Variants in COL5A2 observed in about 807,000 individuals in gnomAD.
COL5A2 encodes collagen alpha-2(V) chain.
Under a neutral mutation model 208.2 loss-of-function variants are expected in COL5A2, and 23 were observed. That is an observed-to-expected ratio of 0.11 (90% confidence interval 0.08 to 0.16). The LOEUF (loss-of-function observed/expected upper bound fraction) is 0.16, where lower values mean the gene tolerates loss of function less well. COL5A2 is among the 10% of genes least tolerant of loss of function. COL5A2 has a pLI of 1.00. For synonymous variants in COL5A2, 625 were observed against 628.5 expected (o/e 0.99, Z 0.08); for missense variants, 1,590 against 1,956.4 (o/e 0.81, Z 3.53).
upstream of COL5A2, among the ~76,000 whole-genome samples, chr2:189,181,504 TG>T (rs753639957): frequency 8.8e-4 from 134 of 152,184 alleles, no homozygotes; most frequent in Non-Finnish European, 1.5e-3. Context: ...TAAGTAAATG[TG>T]GGGGGGAGGA....
At chr2:189,319,778 G>C in the COL5A2 span, among the ~76,000 whole-genome samples, 14 of 152,222 alleles carry the variant, frequency 9.2e-5, no homozygotes, top group Admixed American at 9.2e-4. Context: ...AACCTCTGCA[G>C]ACTTAAATGT....
chr2:189,068,853 G>A lies in COL5A2; in HGVS notation c.1190C>T (p.Pro397Leu), dbSNP rs1189039397. ...ACCTCTCTGCCCCTGAGGACCTTCA[G>A]GGCCTCGCGCCCCTGTAGGACCTGC... is the stretch of plus-strand genomic sequence containing the variant. ...GEAGPTGARG[P>L]EGPQGQRGET... The change falls in exon 19 of 54, where the codon CCT (proline) becomes CTT (leucine). Residue 397 changes from proline (P) to leucine (L), a missense_variant. Coordinates refer to ENST00000374866, the MANE Select transcript of COL5A2 (RefSeq NM_000393.5). The A allele has an allele frequency of 1.2e-5, 19 of 1,613,292 alleles. No homozygotes were observed. Among genetic ancestry groups the A allele is most frequent in the Non-Finnish European group, 1.6e-5 (19 of 1,179,906 alleles).
At chr2:189,177,691 G>T (rs532187860) in intron 1 of COL5A2, among the ~76,000 whole-genome samples, 1 of 152,186 alleles carries the variant, frequency 6.6e-6, no homozygotes, top group East Asian at 1.9e-4. Flanking sequence ...GGGTTGGATT[G>T]GAGTTGGGGA....
chr2:189,073,970 GTAACAC>G (rs1217033217), intron 17 of COL5A2, among the ~76,000 whole-genome samples: 1 of 152,074 alleles, frequency 6.6e-6, no homozygotes, highest in Non-Finnish European at 1.5e-5. Context: ...GTACCTCTGG[GTAACAC>G]AGCAGTTAAT....
At chr2:189,242,925 GGAGT>G in the COL5A2 span, among the ~76,000 whole-genome samples, 1 of 152,252 alleles carries the variant, frequency 6.6e-6, no homozygotes, top group African/African-American at 2.4e-5. Flanking sequence ...GGTTACTCAT[GGAGT>G]CAGGGTACCA....
intron 1 of COL5A2, among the ~76,000 whole-genome samples, chr2:189,149,884 A>G (rs1185180799): frequency 6.6e-6 from 1 of 152,200 alleles, no homozygotes; most frequent in Admixed American, 6.5e-5. Context: ...AATGCTTATT[A>G]AAATAGAACC....
chr2:189,152,487 A>G lies in COL5A2; in HGVS notation c.97+27021T>C, dbSNP rs182883912. On this transcript the variant is annotated intron_variant, in intron 1 of 53. Coordinates refer to ENST00000374866, the MANE Select transcript of COL5A2 (RefSeq NM_000393.5). The stretch of plus-strand genomic sequence containing the variant: ...AACACACAATGTAGCTCAACTCAAA[A>G]TACAGACTTCAAAACCTTTCCCAGA... Among the ~76,000 whole-genome samples, 9 of 152,316 alleles carry G rather than the reference A, an allele frequency of 5.9e-5. No individual in the cohort carries two copies. In the East Asian group the frequency reaches 1.7e-3, roughly 29 times the overall value.
intron 50 of COL5A2, 58 bp from the exon 51 acceptor site, chr2:189,039,621 G>C (rs1685517205): frequency 1.9e-6 from 3 of 1,543,914 alleles, no homozygotes; most frequent in Non-Finnish European, 2.6e-6. Context: ...TACTTAACTG[G>C]TAGAACTTGG....
At chr2:189,090,710 C>G (rs1460725944) in intron 7 of COL5A2, among the ~76,000 whole-genome samples, 1 of 152,192 alleles carries the variant, frequency 6.6e-6, no homozygotes, top group Non-Finnish European at 1.5e-5. Context: ...TATGATAAAA[C>G]AACTCTGCCT....
chr2:189,205,736 C>A (rs1386239459), intron 1 of COL5A2, among the ~76,000 whole-genome samples: 1 of 152,050 alleles, frequency 6.6e-6, no homozygotes, highest in African/African-American at 2.4e-5. Flanking sequence ...ATTTTAATTT[C>A]TTGTGATTCC....
chr2:189,305,546 G>C, the COL5A2 span, among the ~76,000 whole-genome samples: 2 of 152,160 alleles, frequency 1.3e-5, no homozygotes, highest in Non-Finnish European at 2.9e-5. Context: ...ACAGCACATT[G>C]ATCTAGAACT....
chr2:189,342,679 AC>A, the COL5A2 span, among the ~76,000 whole-genome samples: 3 of 146,828 alleles, frequency 2.0e-5, no homozygotes, highest in South Asian at 2.1e-4. Flanking sequence ...ACACACACAC[AC>A]AATAAATATG....
upstream of COL5A2, among the ~76,000 whole-genome samples, chr2:189,183,369 T>C (rs1047474247): frequency 6.6e-6 from 1 of 152,214 alleles, no homozygotes; most frequent in Non-Finnish European, 1.5e-5. Flanking sequence ...TCTTGCACTA[T>C]CAGCTTTTTT....
At chr2:189,323,396 T>C in the COL5A2 span, among the ~76,000 whole-genome samples, 3 of 152,184 alleles carry the variant, frequency 2.0e-5, no homozygotes, top group Non-Finnish European at 2.9e-5. Flanking sequence ...TGTTTGCAGA[T>C]GACATGATTG....
the COL5A2 span, among the ~76,000 whole-genome samples, chr2:189,336,717 AG>A: frequency 6.6e-6 from 1 of 152,170 alleles, no homozygotes; most frequent in Non-Finnish European, 1.5e-5. Flanking sequence ...TAAAGCAACT[AG>A]GAAGGAACAC....
the COL5A2 span, among the ~76,000 whole-genome samples, chr2:189,304,680 C>T: frequency 1.3e-5 from 2 of 152,208 alleles, no homozygotes; most frequent in South Asian, 4.1e-4. Context: ...TAGGCCCTAA[C>T]TTCAACACTG....
the COL5A2 span, among the ~76,000 whole-genome samples, chr2:189,341,738 A>C: frequency 6.6e-6 from 1 of 152,284 alleles, no homozygotes; most frequent in South Asian, 2.1e-4. Context: ...TACACACACT[A>C]ACAGTGATAA....
intron 1 of COL5A2, among the ~76,000 whole-genome samples, chr2:189,176,995 C>T (rs1688690284): frequency 6.6e-6 from 1 of 152,056 alleles, no homozygotes; most frequent in African/African-American, 2.4e-5. Context: ...CTTTTATCTT[C>T]TCATTCATAT....
At chr2:189,049,027 A>G (rs1215415574) in intron 44 of COL5A2, among the ~76,000 whole-genome samples, 2 of 95,814 alleles carry the variant, frequency 2.1e-5, no homozygotes, top group African/African-American at 7.0e-5. Context: ...ATATGTCATT[A>G]CAAAATGAAA....
Sources: allele counts gnomAD v4.1 joint callset (sites outside exome capture counted in the v4.1 genomes callset), GRCh38; gene constraint gnomAD v4.1.1; transcripts MANE v1.5; gene names NCBI Gene and HGNC (gene_info 2026-07-23, HGNC 2026-07-21).